Variants in PPARGC1A observed in about 807,000 individuals in gnomAD.
PPARGC1A encodes the protein peroxisome proliferator-activated receptor gamma coactivator 1-alpha.
A neutral mutation model predicts 88.7 loss-of-function variants in PPARGC1A; 25 were observed. The observed-to-expected ratio is 0.28, with a 90% CI of 0.21 to 0.39. The LOEUF (loss-of-function observed/expected upper bound fraction) is 0.39, where lower values mean the gene tolerates loss of function less well. PPARGC1A is among the 10% of genes least tolerant of loss of function. The probability of loss-of-function intolerance (pLI) is 1.00; values close to 1 mark genes in which losing one functional copy is unlikely to be tolerated. For missense variants in PPARGC1A, 880 were observed against 968.7 expected (o/e 0.91, Z 1.22); for synonymous variants, 363 against 355.6 (o/e 1.02, Z -0.24).
the PPARGC1A span, among the ~76,000 whole-genome samples, chr4:24,225,386 G>A: frequency 6.6e-5 from 10 of 152,036 alleles, no homozygotes; most frequent in Admixed American, 5.2e-4. Flanking sequence ...TGGCTAACAC[G>A]GTGAAACCCC....
At chr4:23,899,585 A>G (rs1406321873), upstream of PPARGC1A, among the ~76,000 whole-genome samples, 1 of 152,260 alleles carries the variant, frequency 6.6e-6, no homozygotes, top group Admixed American at 6.5e-5. Context: ...TATATCAATG[A>G]GAATTAATGA....
the PPARGC1A span, among the ~76,000 whole-genome samples, chr4:24,386,171 G>T: frequency 5.3e-5 from 8 of 152,000 alleles, no homozygotes; most frequent in Non-Finnish European, 1.0e-4. Flanking sequence ...TGCAGAAAAG[G>T]CCTTCGATAA....
chr4:24,066,031 T>C, the PPARGC1A span, among the ~76,000 whole-genome samples: 3 of 151,976 alleles, frequency 2.0e-5, no homozygotes. Flanking sequence ...GGCTGCAGCC[T>C]CCAATTTCCA....
At chr4:23,816,464 G>A (rs918180056) in intron 7 of PPARGC1A, among the ~76,000 whole-genome samples, 45 of 151,856 alleles carry the variant, frequency 3.0e-4, no homozygotes, top group African/African-American at 1.0e-3. Flanking sequence ...CTTTATTTAC[G>A]AATTGCACTG....
At chr4:24,109,730 T>C in the PPARGC1A span, among the ~76,000 whole-genome samples, 1 of 152,246 alleles carries the variant, frequency 6.6e-6, no homozygotes, top group African/African-American at 2.4e-5. Flanking sequence ...CACACCACTT[T>C]CCCTTCCTAG....
the PPARGC1A span, among the ~76,000 whole-genome samples, chr4:24,390,554 T>G: frequency 6.6e-6 from 1 of 152,162 alleles, no homozygotes; most frequent in Admixed American, 6.5e-5. Context: ...ACATTACCTC[T>G]ACTTACAATG....
chr4:24,201,475 TC>T, the PPARGC1A span, among the ~76,000 whole-genome samples: 1 of 152,186 alleles, frequency 6.6e-6, no homozygotes, highest in Non-Finnish European at 1.5e-5. Context: ...TTGCGGCTAC[TC>T]CCCAGGCCCA....
chr4:23,889,383 C>G, intron 1 of PPARGC1A: 1 of 984,310 alleles, frequency 1.0e-6, no homozygotes, highest in Non-Finnish European at 1.2e-6. Flanking sequence ...GAAAAGCAAT[C>G]TAAAATAGCC....
the PPARGC1A span, among the ~76,000 whole-genome samples, chr4:24,197,835 C>T: frequency 9.2e-5 from 14 of 152,268 alleles, no homozygotes; most frequent in South Asian, 2.7e-3. Context: ...AGCTAACATC[C>T]CTTTTAGCTG....
chr4:24,085,959 T>C, the PPARGC1A span, among the ~76,000 whole-genome samples: 5 of 152,142 alleles, frequency 3.3e-5, no homozygotes, highest in Admixed American at 6.5e-5. Context: ...GAGTCAATGA[T>C]TCTGTATCAG....
intron 2 of PPARGC1A, among the ~76,000 whole-genome samples, chr4:23,856,484 T>C (rs1419952040): frequency 6.6e-6 from 1 of 152,212 alleles, no homozygotes; most frequent in Non-Finnish European, 1.5e-5. Context: ...TGATTGCTTG[T>C]CTTCCCTCTA....
chr4:23,889,731 TA>T (rs1323076074), intron 1 of PPARGC1A, among the ~76,000 whole-genome samples, 172 bp downstream of exon 1: 12 of 152,166 alleles, frequency 7.9e-5, no homozygotes, highest in Admixed American at 6.6e-5. Context: ...AGAGCCACCT[TA>T]AAATAGCAAA....
At chr4:24,036,524 G>A in the PPARGC1A span, among the ~76,000 whole-genome samples, 1 of 151,812 alleles carries the variant, frequency 6.6e-6, no homozygotes, top group African/African-American at 2.4e-5. Flanking sequence ...AGTGAAATGT[G>A]ATAAATTAAC....
the PPARGC1A span, among the ~76,000 whole-genome samples, chr4:23,977,487 A>C: frequency 6.6e-6 from 1 of 152,224 alleles, no homozygotes; most frequent in African/African-American, 2.4e-5. Context: ...TTCTTAGGAA[A>C]GTTGTCTATC....
the PPARGC1A span, among the ~76,000 whole-genome samples, chr4:24,313,297 T>C: frequency 6.6e-6 from 1 of 152,056 alleles, no homozygotes; most frequent in Non-Finnish European, 1.5e-5. Context: ...GGAAAAACCT[T>C]ATTATGTGAA....
At position 23,795,647 on chromosome 4, in the gene PPARGC1A, T is replaced by C. The variant is rs1037482790; in HGVS notation, c.*175A>G. On this transcript the variant is annotated 3_prime_UTR_variant, in exon 13 of 13. Transcript: ENST00000264867. Reference sequence around the variant, plus strand: ...TCAGCAGCTGTGTTCATGTAAACCATTGTTGTTATTGTTGTTGTTGTTCTT... The same window carrying C: ...TCAGCAGCTGTGTTCATGTAAACCACTGTTGTTATTGTTGTTGTTGTTCTT... 2 of 550,274 alleles carry C rather than the reference T, an allele frequency of 3.6e-6. No homozygotes were observed. Among genetic ancestry groups the C allele is most frequent in the African/African-American group, 3.9e-5 (2 of 51,468 alleles). The allele number at this position is 550,274 out of a possible 1,614,324, so 34.1% of individuals were successfully genotyped here.
At chr4:24,457,698 C>T in the PPARGC1A span, among the ~76,000 whole-genome samples, 3 of 152,164 alleles carry the variant, frequency 2.0e-5, no homozygotes, top group East Asian at 1.9e-4. Flanking sequence ...GCACCCGACA[C>T]CACGCCTGGC....
the PPARGC1A span, among the ~76,000 whole-genome samples, chr4:24,444,097 A>G: frequency 6.6e-6 from 1 of 151,672 alleles, no homozygotes; most frequent in African/African-American, 2.4e-5. Context: ...GAGTGCAGTG[A>G]CACAATATAG....
the PPARGC1A span, among the ~76,000 whole-genome samples, chr4:24,196,455 G>A: frequency 0.06 from 9,095 of 152,228 alleles, 614 homozygotes; most frequent in African/African-American, 0.16. Flanking sequence ...TAATTATACC[G>A]TAATGCAGAT....
Sources: gnomAD v4.1 joint callset for allele counts (sites outside exome capture counted in the v4.1 genomes callset) on GRCh38, gnomAD v4.1.1 for gene constraint, MANE v1.5 for transcripts, NCBI Gene and HGNC (gene_info 2026-07-23, HGNC 2026-07-21) for gene names.